TPR: variants seen among roughly 807,000 people sequenced by gnomAD.
TPR encodes the protein nucleoprotein TPR.
Under a neutral mutation model 316.1 loss-of-function variants are expected in TPR, and 51 were observed. That is an observed-to-expected ratio of 0.16 (90% CI 0.13 to 0.20). The LOEUF is 0.20. Ranked by LOEUF, TPR falls within the 10% of genes least tolerant of loss-of-function variation. The pLI, the probability that TPR is intolerant of heterozygous loss-of-function variation, is 1.00. For missense variants in TPR, 2,272 were observed against 2,754.8 expected, an observed-to-expected ratio of 0.82 and a Z score of 3.92; for synonymous variants, 981 against 914.7, an observed-to-expected ratio of 1.07 and a Z score of -1.31.
intron 13 of TPR, 67 bp from the exon 14 acceptor site, chr1:186,357,690 A>C: frequency 7.2e-7 from 1 of 1,390,018 alleles, no homozygotes; most frequent in South Asian, 1.4e-5. Flanking sequence ...TTTAGAATGA[A>C]AGTTTTCAAA....
At chr1:186,348,382 A>G (rs1167494239) in intron 21 of TPR, among the ~76,000 whole-genome samples, 1 of 152,106 alleles carries the variant, frequency 6.6e-6, no homozygotes, top group Non-Finnish European at 1.5e-5. Context: ...TTGTGGTCAG[A>G]CCGGTTCTCT....
At chr1:186,330,855 C>A (rs1306862596) in intron 39 of TPR, among the ~76,000 whole-genome samples, 1 of 152,104 alleles carries the variant, frequency 6.6e-6, no homozygotes, top group Non-Finnish European at 1.5e-5. Context: ...TAATAATATT[C>A]TGAGTGCCTA....
rs1418879915 is a variant in TPR, at chr1:186,313,871, G to A, written c.*100C>T. The A allele has an allele frequency of 6.9e-7, 1 of 1,458,334 alleles. No homozygotes were observed. The highest frequency in any genetic ancestry group is 2.3e-5 in the East Asian group (1 of 43,894). 90.3% of individuals were successfully genotyped at this position (1,458,334 alleles called of 1,614,324 possible). Reference sequence around the variant, plus strand: ...TTATTAATAAAGAATATTGACATGAGTATACCAGTTTATATATAAAAATGT... The same window carrying A: ...TTATTAATAAAGAATATTGACATGAATATACCAGTTTATATATAAAAATGT... On this transcript the variant is annotated 3_prime_UTR_variant, in exon 51 of 51. Coordinates refer to ENST00000367478, the MANE Select transcript of TPR (RefSeq NM_003292.3).
chr1:186,331,236 CT>C (rs1262644924), intron 39 of TPR, among the ~76,000 whole-genome samples: 1 of 151,992 alleles, frequency 6.6e-6, no homozygotes, highest in Non-Finnish European at 1.5e-5. Context: ...AGGGAAAAAT[CT>C]TGGCTCACAA....
chr1:186,341,223 C>T (rs1293986103), intron 28 of TPR, 29 bp downstream of exon 28: 18 of 1,613,330 alleles, frequency 1.1e-5, no homozygotes, highest in Non-Finnish European at 1.4e-5. Flanking sequence ...AAACAACATG[C>T]TTCCACTCTT....
At chr1:186,339,804 T>C in intron 29 of TPR, 32 bp from the exon 30 acceptor site, 1 of 1,542,112 alleles carries the variant, frequency 6.5e-7, no homozygotes, top group Non-Finnish European at 8.7e-7. Flanking sequence ...CTTGATTTTT[T>C]TAGGTTTTAT....
intron 27 of TPR, 51 bp from the exon 28 acceptor site, chr1:186,341,440 T>A: frequency 6.4e-7 from 1 of 1,568,918 alleles, no homozygotes; most frequent in Non-Finnish European, 8.6e-7. Flanking sequence ...TAGTTGAAAG[T>A]CTACCTGTTC....
intron 30 of TPR, 77 bp from the exon 31 acceptor site, chr1:186,338,320 T>C: frequency 8.4e-7 from 1 of 1,193,608 alleles, no homozygotes; most frequent in Non-Finnish European, 1.2e-6. Context: ...TGTAACTTTA[T>C]GTTATACTGC....
chr1:186,370,773 A>G (rs1284998728), intron 3 of TPR, among the ~76,000 whole-genome samples, 197 bp downstream of exon 3: 1 of 152,170 alleles, frequency 6.6e-6, no homozygotes, highest in Non-Finnish European at 1.5e-5. Flanking sequence ...TTTCTGTTGA[A>G]TAAAAGAGAT....
intron 40 of TPR, 125 bp from the exon 41 acceptor site, chr1:186,326,360 G>A (rs1172064631): frequency 5.6e-6 from 8 of 1,422,240 alleles, no homozygotes; most frequent in Non-Finnish European, 7.5e-6. Flanking sequence ...TGTCCTGAGA[G>A]TTGTATGGGA....
rs958597530 is a variant in TPR, at chr1:186,350,407, T to A, written c.2611-19A>T. 6.5e-7 allele frequency: 1 copy of A among 1,532,482 alleles called. No individual in the cohort carries two copies. The highest frequency in any genetic ancestry group is 1.4e-5 in the African/African-American group (1 of 71,692). The allele number at this position is 1,532,482 out of a possible 1,614,324, so 94.9% of individuals were successfully genotyped here. A position where few individuals can be genotyped will look rare whatever the true frequency, so the allele number is the denominator to read the frequency against. ...GTTGAACCTATAAAATACATTAATC[T>A]TATAACATTCTTTAGGTTCCTAAGT... On this transcript the variant is annotated intron_variant, in intron 20 of 50. Coordinates refer to ENST00000367478, the MANE Select transcript of TPR (RefSeq NM_003292.3).
chr1:186,312,062 A>T lies in TPR; in HGVS notation c.*1909T>A. 2 of 816,686 alleles carry T rather than the reference A, an allele frequency of 2.4e-6. No homozygotes were observed. Among genetic ancestry groups the T allele is most frequent in the Non-Finnish European group, 4.0e-6 (2 of 501,450 alleles). 50.6% of individuals were successfully genotyped at this position (816,686 alleles called of 1,614,324 possible). ...GCCATTATTAATATCAATATATTATATGAAAAATGAGAACAAAACTGTTTC... is the reference window on the plus strand; with the variant it reads ...GCCATTATTAATATCAATATATTATTTGAAAAATGAGAACAAAACTGTTTC... On this transcript the variant is annotated 3_prime_UTR_variant, in exon 51 of 51. Transcript: ENST00000367478.
chr1:186,374,903 C>G lies in TPR; in HGVS notation c.126G>C (p.Arg42=), dbSNP rs937820692. 1.9e-6 allele frequency: 3 copies of G among 1,598,692 alleles called. No individual in the cohort carries two copies. The highest frequency in any genetic ancestry group is 2.6e-6 in the Non-Finnish European group (3 of 1,167,252). ...QQSEIDGLKG[R]HEKFKVESEQ... ...CGCTCTCCACCTTAAATTTCTCATG[C>G]CGCCCCTTCAGGCCATCGATCTCGG... is the stretch of plus-strand genomic sequence containing the variant. Residue 42 remains arginine (R), a synonymous_variant, in exon 1 of 51, where the codon CGG becomes CGC. Transcript: ENST00000367478.
intron 26 of TPR, among the ~76,000 whole-genome samples, 177 bp downstream of exon 26, chr1:186,343,729 A>T (rs1324750213): frequency 6.6e-6 from 1 of 152,228 alleles, no homozygotes; most frequent in East Asian, 1.9e-4. Flanking sequence ...TATCAGATTC[A>T]ACTTTAAAGT....
chr1:186,372,073 T>C (rs1031404555), intron 2 of TPR, among the ~76,000 whole-genome samples: 2 of 152,210 alleles, frequency 1.3e-5, no homozygotes, highest in Admixed American at 6.5e-5. Flanking sequence ...CCATCACACA[T>C]GTATGCATAT....
chr1:186,339,025 A>G (rs1658422834), intron 30 of TPR, among the ~76,000 whole-genome samples: 1 of 152,240 alleles, frequency 6.6e-6, no homozygotes, highest in African/African-American at 2.4e-5. Context: ...TGGACAAATT[A>G]CACTAAAGCT....
chr1:186,332,864 C>T (rs906615966), intron 37 of TPR, among the ~76,000 whole-genome samples: 8 of 151,978 alleles, frequency 5.3e-5, no homozygotes, highest in African/African-American at 1.9e-4. Flanking sequence ...TGACAAACAA[C>T]TGATTTAAAA....
Position 186,313,758 on chromosome 1 carries a change from G to T in TPR, c.*213C>A, listed in dbSNP as rs748945818. Reference sequence around the variant, plus strand: ...TCGTTCTGGGCAGACCTTATCCAAAGTCTGGTACAACTGTCCTTAGACTGA... The same window carrying T: ...TCGTTCTGGGCAGACCTTATCCAAATTCTGGTACAACTGTCCTTAGACTGA... On this transcript the variant is annotated 3_prime_UTR_variant, in exon 51 of 51. Transcript: ENST00000367478. 7.2e-5 allele frequency: 116 copies of T among 1,606,298 alleles called. 2 individuals carry two copies. The South Asian group carries it at 1.2e-3, about 17-fold the overall frequency.
At chr1:186,324,931 T>C (rs908573968) in intron 42 of TPR, among the ~76,000 whole-genome samples, 2 of 152,160 alleles carry the variant, frequency 1.3e-5, no homozygotes, top group Non-Finnish European at 2.9e-5. Flanking sequence ...TAAATGTAAA[T>C]TTTTGTTCAA....
Sources: gnomAD v4.1 joint callset for allele counts (sites outside exome capture counted in the v4.1 genomes callset) on GRCh38, gnomAD v4.1.1 for gene constraint, MANE v1.5 for transcripts, NCBI Gene and HGNC (gene_info 2026-07-23, HGNC 2026-07-21) for gene names.